The following TXNL4B variants were observed in gnomAD, a reference collection of about 807,000 sequenced individuals.
The protein encoded by TXNL4B is thioredoxin-like protein 4B.
In TXNL4B, 12 loss-of-function variants were observed where a neutral mutation model predicts 13.0. The ratio of observed to expected loss-of-function variants is 0.92; its 90% confidence interval spans 0.59 to 1.49. The LOEUF (loss-of-function observed/expected upper bound fraction) is 1.49, where lower values mean the gene tolerates loss of function less well. Among genes scored for constraint, TXNL4B ranks in the 40% most tolerant of loss-of-function variants. TXNL4B has a pLI of 0.00. For missense variants in TXNL4B, 214 were observed against 173.6 expected, an observed-to-expected ratio of 1.23 and a Z score of -1.31; for synonymous variants, 59 against 58.9, an observed-to-expected ratio of 1.00 and a Z score of -0.01.
At chr16:72,094,038 T>A (rs1474373625), upstream of TXNL4B, 1 of 151,860 alleles carries the variant, frequency 6.6e-6, no homozygotes, top group Non-Finnish European at 1.5e-5. Context: ...GTCCCAAGAG[T>A]CGCGCTTGGT....
In TXNL4B at chr16:72,086,591, G is replaced by C. The variant is rs2041826078; in HGVS notation, c.*46C>G. Reference sequence around the variant, plus strand: ...CACAGCACAGCTGGATTCAGGTACTGTGTCAAGATGTGCCTTCTTCTTCAT... The same window carrying C: ...CACAGCACAGCTGGATTCAGGTACTCTGTCAAGATGTGCCTTCTTCTTCAT... On this transcript the variant is annotated 3_prime_UTR_variant, in exon 4 of 4. Coordinates refer to ENST00000268483, the MANE Select transcript of TXNL4B (RefSeq NM_017853.3). The C allele has an allele frequency of 1.3e-6, 2 of 1,550,558 alleles. No individual in the cohort carries two copies. The highest frequency in any genetic ancestry group is 2.7e-5 in the African/African-American group (2 of 73,684).
chr16:72,091,128 G>T (rs1361047908), intron 1 of TXNL4B, among the ~76,000 whole-genome samples: 2 of 152,148 alleles, frequency 1.3e-5, no homozygotes, highest in Non-Finnish European at 2.9e-5. Flanking sequence ...CAGCAGGAAA[G>T]CGATGACACT....
Position 72,086,833 on chromosome 16 carries a change from T to A in TXNL4B, c.285-31A>T, listed in dbSNP as rs748147648. 19 of 1,468,168 alleles carry A rather than the reference T, an allele frequency of 1.3e-5. 1 individual carries two copies. In the South Asian group the frequency reaches 2.7e-4, roughly 21 times the overall value. 90.9% of individuals were successfully genotyped at this position (1,468,168 alleles called of 1,614,324 possible). ...CAGCATAGAAGAGAAACAACTGCTCTAAGAACTTTGAGTAATCACTTGTTG... is the reference window on the plus strand; with the variant it reads ...CAGCATAGAAGAGAAACAACTGCTCAAAGAACTTTGAGTAATCACTTGTTG... On this transcript the variant is annotated intron_variant, in intron 3 of 3. Transcript: ENST00000268483.
At chr16:72,093,199 GA>G (rs2041943371) in intron 1 of TXNL4B, among the ~76,000 whole-genome samples, 167 bp downstream of exon 1, 1 of 152,222 alleles carries the variant, frequency 6.6e-6, no homozygotes, top group Admixed American at 6.5e-5. Context: ...ATGTATTCCA[GA>G]AAAACAACTG....
chr16:72,094,270 C>G (rs1039020479), upstream of TXNL4B: 5 of 152,676 alleles, frequency 3.3e-5, no homozygotes, highest in Admixed American at 1.3e-4. Flanking sequence ...CTGGAGCGGC[C>G]TCGCTGAGAT....
At chr16:72,091,298 G>A (rs1389789299) in intron 1 of TXNL4B, among the ~76,000 whole-genome samples, 1 of 152,148 alleles carries the variant, frequency 6.6e-6, no homozygotes, top group Non-Finnish European at 1.5e-5. Flanking sequence ...AGAATTGTGT[G>A]GCAGAAAGAG....
At chr16:72,091,950 C>A (rs112261620) in intron 1 of TXNL4B, among the ~76,000 whole-genome samples, 494 of 152,308 alleles carry the variant, frequency 3.2e-3, no homozygotes, top group South Asian at 7.3e-3. Context: ...CTACAATAAT[C>A]TATTTTCATG....
intron 1 of TXNL4B, among the ~76,000 whole-genome samples, chr16:72,092,907 G>T (rs1445051090): frequency 2.6e-5 from 4 of 152,176 alleles, no homozygotes; most frequent in Non-Finnish European, 5.9e-5. Context: ...TAGTGGTAGG[G>T]GCAGGCACAG....
At chr16:72,088,866 G>A (rs12932845) in intron 3 of TXNL4B, 121 bp downstream of exon 3, 354,210 of 623,006 alleles carry the variant, frequency 0.57, 103,853 homozygotes, top group African/African-American at 0.77. Context: ...GCGTCAATTG[G>A]GGAAACAGTA....
At position 72,089,703 on chromosome 16, in the gene TXNL4B, C is replaced by T. The variant is rs1421942614; in HGVS notation, c.133-565G>A. ...TAACGTCTCCTTCCTCCCAATCCTC[C>T]CAGAAATGAAAACCACGATAATTAG... On this transcript the variant is annotated intron_variant, in intron 2 of 3. Transcript: ENST00000268483. Among the ~76,000 whole-genome samples the T allele has an allele frequency of 2.0e-5, 3 of 152,292 alleles. No individual in the cohort carries two copies. In the East Asian group the frequency reaches 5.8e-4, roughly 29 times the overall value.
At chr16:72,094,359 G>T (rs1016672567), upstream of TXNL4B, 1 of 152,262 alleles carries the variant, frequency 6.6e-6, no homozygotes, top group Non-Finnish European at 1.5e-5. Flanking sequence ...CACCGAGCCC[G>T]AGTAGGACTC....
At chr16:72,089,231 G>T in intron 2 of TXNL4B, 93 bp from the exon 3 acceptor site, 1 of 1,156,898 alleles carries the variant, frequency 8.6e-7, no homozygotes, top group Non-Finnish European at 1.2e-6. Flanking sequence ...TGTTTTGTTT[G>T]AAAAAACTCC....
Position 72,089,177 on chromosome 16 carries a change from G to A in TXNL4B, c.133-39C>T, listed in dbSNP as rs763819242. On this transcript the variant is annotated intron_variant, in intron 2 of 3. Transcript: ENST00000268483. ...GAGAGACAAAGGTTACAATATGAGA[G>A]GCAGCTTAATGTTTCTTCTGTGAAA... is the stretch of plus-strand genomic sequence containing the variant. 6.4e-6 allele frequency: 10 copies of A among 1,559,094 alleles called. No homozygotes were observed. In the African/African-American group the frequency reaches 1.2e-4, roughly 19 times the overall value.
chr16:72,093,194 T>C (rs1402312590), intron 1 of TXNL4B, among the ~76,000 whole-genome samples, 173 bp downstream of exon 1: 1 of 152,256 alleles, frequency 6.6e-6, no homozygotes, highest in Non-Finnish European at 1.5e-5. Flanking sequence ...CTACAATGTA[T>C]TCCAGAAAAA....
intron 1 of TXNL4B, among the ~76,000 whole-genome samples, chr16:72,091,105 T>G (rs1427634834): frequency 6.6e-6 from 1 of 152,216 alleles, no homozygotes; most frequent in Non-Finnish European, 1.5e-5. Context: ...GATAGCCTAT[T>G]GTATCAGTGT....
chr16:72,088,019 C>T (rs2041848809), intron 3 of TXNL4B, among the ~76,000 whole-genome samples: 1 of 152,192 alleles, frequency 6.6e-6, no homozygotes. Context: ...CAGGGTTTCA[C>T]TGTGTTAGCC....
At chr16:72,088,840 T>C (rs1366075120) in intron 3 of TXNL4B, 147 bp downstream of exon 3, 1 of 535,320 alleles carries the variant, frequency 1.9e-6, no homozygotes, top group Non-Finnish European at 3.2e-6. Context: ...AGGTTTTGCA[T>C]AAAAAATTAG....
intron 3 of TXNL4B, among the ~76,000 whole-genome samples, chr16:72,087,660 TTTTG>T (rs902090420): frequency 5.3e-5 from 8 of 152,140 alleles, no homozygotes; most frequent in Middle Eastern, 3.4e-3. Flanking sequence ...TGTGTTTTTT[TTTTG>T]TTGTTGTTGT....
In TXNL4B at chr16:72,086,457, C is replaced by T. The variant is rs2041824386; in HGVS notation, c.*180G>A. ...TTGCAGGGAGTAGACAGTTAGGCAT[C>T]CCAGGTCATCAGAGAACCAGTGGGG... On this transcript the variant is annotated 3_prime_UTR_variant, in exon 4 of 4. Coordinates refer to ENST00000268483, the MANE Select transcript of TXNL4B (RefSeq NM_017853.3). The T allele has an allele frequency of 3.9e-6, 2 of 516,094 alleles. No homozygotes were observed. Among genetic ancestry groups the T allele is most frequent in the South Asian group, 3.2e-5 (1 of 31,648 alleles). 32.0% of individuals were successfully genotyped at this position (516,094 alleles called of 1,614,324 possible).
Sources: gnomAD v4.1 joint callset for allele counts (sites outside exome capture counted in the v4.1 genomes callset) on GRCh38, gnomAD v4.1.1 for gene constraint, MANE v1.5 for transcripts, NCBI Gene and HGNC (gene_info 2026-07-23, HGNC 2026-07-21) for gene names.